The following DSCAML1 variants were observed in gnomAD, a reference collection of about 807,000 sequenced individuals.
DSCAML1 encodes the protein cell adhesion molecule DSCAML1.
In DSCAML1, 38 loss-of-function variants were observed where a neutral mutation model predicts 200.5. That is an observed-to-expected ratio of 0.19 (90% CI 0.15 to 0.25). The LOEUF is 0.25. Ranked by LOEUF, DSCAML1 falls within the 10% of genes least tolerant of loss-of-function variation. The pLI is 1.00. For synonymous variants in DSCAML1, 1,215 were observed against 1,165.0 expected, an observed-to-expected ratio of 1.04 and a Z score of -0.87; for missense variants, 2,223 against 2,858.8, an observed-to-expected ratio of 0.78 and a Z score of 5.07.
intron 3 of DSCAML1, among the ~76,000 whole-genome samples, chr11:117,624,391 G>C (rs1833083967): frequency 6.6e-6 from 1 of 152,140 alleles, no homozygotes; most frequent in South Asian, 2.1e-4. Context: ...CTATTAATCT[G>C]CAAATAGAAG....
At chr11:117,654,194 G>A (rs1365211133) in intron 3 of DSCAML1, among the ~76,000 whole-genome samples, 1 of 152,190 alleles carries the variant, frequency 6.6e-6, no homozygotes, top group Non-Finnish European at 1.5e-5. Flanking sequence ...CAGAGGTGGG[G>A]TGGGGAAATA....
In DSCAML1 at chr11:117,737,519, C is replaced by T. The variant is rs999220010; in HGVS notation, c.511+39272G>A. On this transcript the variant is annotated intron_variant, in intron 3 of 32. Coordinates refer to ENST00000651296, the MANE Select transcript of DSCAML1 (RefSeq NM_020693.4). Reference sequence around the variant, plus strand: ...GTCCAAGACCGGGACAGCAGGACAGCGGGGCAGGCTGGGGGCCTACAGAGC... The same window carrying T: ...GTCCAAGACCGGGACAGCAGGACAGTGGGGCAGGCTGGGGGCCTACAGAGC... Among the ~76,000 whole-genome samples the T allele has an allele frequency of 5.3e-5, 8 of 152,284 alleles. 1 individual carries two copies. In the South Asian group the frequency reaches 8.3e-4, roughly 16 times the overall value.
At chr11:117,517,804 T>TCAC (rs2049804239) in intron 7 of DSCAML1, among the ~76,000 whole-genome samples, 1 of 152,212 alleles carries the variant, frequency 6.6e-6, no homozygotes, top group African/African-American at 2.4e-5. Flanking sequence ...GGAGACTGTG[T>TCAC]TCTCACCACA....
intron 3 of DSCAML1, among the ~76,000 whole-genome samples, chr11:117,770,809 G>T (rs1453225930): frequency 6.6e-6 from 1 of 152,200 alleles, no homozygotes; most frequent in African/African-American, 2.4e-5. Context: ...AGCAGAAATC[G>T]AGGAAAGACA....
At chr11:117,649,580 C>T (rs2052587508) in intron 3 of DSCAML1, among the ~76,000 whole-genome samples, 3 of 152,124 alleles carry the variant, frequency 2.0e-5, no homozygotes, top group Admixed American at 6.5e-5. Flanking sequence ...CCTTCTGGGC[C>T]CCACTGTGAC....
chr11:117,482,233 C>A, intron 11 of DSCAML1, 71 bp from the exon 12 acceptor site: 1 of 1,550,524 alleles, frequency 6.4e-7, no homozygotes, highest in South Asian at 1.2e-5. Context: ...GCGTGCCCTG[C>A]GCAGAAGCCC....
intron 23 of DSCAML1, 84 bp from the exon 24 acceptor site, chr11:117,439,067 C>T: frequency 1.4e-6 from 2 of 1,399,356 alleles, no homozygotes; most frequent in Non-Finnish European, 9.7e-7. Context: ...CGGGAAGGTG[C>T]TGGCTCTCCC....
At chr11:117,563,789 A>G (rs1281362502) in intron 3 of DSCAML1, among the ~76,000 whole-genome samples, 3 of 152,226 alleles carry the variant, frequency 2.0e-5, no homozygotes, top group African/African-American at 7.2e-5. Flanking sequence ...AGCGAGGACC[A>G]TTCTGAGGGC....
chr11:117,432,099 C>CTG (rs2047812411), intron 30 of DSCAML1, among the ~76,000 whole-genome samples: 1 of 152,124 alleles, frequency 6.6e-6, no homozygotes, highest in Non-Finnish European at 1.5e-5. Flanking sequence ...TTGGAGAACA[C>CTG]GAATACCCAA....
At chr11:117,670,366 C>T (rs904870778) in intron 3 of DSCAML1, among the ~76,000 whole-genome samples, 2 of 152,080 alleles carry the variant, frequency 1.3e-5, no homozygotes, top group African/African-American at 4.8e-5. Flanking sequence ...TCCACTCATT[C>T]ATTGATTCAC....
intron 3 of DSCAML1, among the ~76,000 whole-genome samples, chr11:117,776,051 C>T (rs1203610980): frequency 6.6e-6 from 1 of 152,128 alleles, no homozygotes; most frequent in Admixed American, 6.6e-5. Context: ...TGGAAAAATC[C>T]CGCAGTTTTG....
intron 3 of DSCAML1, among the ~76,000 whole-genome samples, chr11:117,550,606 G>T (rs1044035637): frequency 1.3e-5 from 2 of 152,166 alleles, no homozygotes; most frequent in African/African-American, 4.8e-5. Flanking sequence ...TATGCTTTTT[G>T]TGCATTTATC....
chr11:117,673,050 C>T (rs775912959), intron 3 of DSCAML1, among the ~76,000 whole-genome samples: 25 of 152,232 alleles, frequency 1.6e-4, no homozygotes, highest in Non-Finnish European at 2.4e-4. Flanking sequence ...CTCATCTCCT[C>T]GGGCAATCGG....
chr11:117,557,756 A>AG (rs1381804578), intron 3 of DSCAML1, among the ~76,000 whole-genome samples: 1 of 152,086 alleles, frequency 6.6e-6, no homozygotes, highest in South Asian at 2.1e-4. Flanking sequence ...GCAAGGGAGC[A>AG]GGGATGGGGT....
chr11:117,472,922 G>A lies in DSCAML1; in HGVS notation c.2786-886C>T, dbSNP rs185716969. ...GCCTCAGCTAGGACCTTCCACACCC[G>A]GGATTCTTAACCAAATAACTGTTTT... On this transcript the variant is annotated intron_variant, in intron 14 of 32. Coordinates refer to ENST00000651296, the MANE Select transcript of DSCAML1 (RefSeq NM_020693.4). Among the ~76,000 whole-genome samples the A allele has an allele frequency of 3.3e-5, 5 of 152,196 alleles. No individual in the cohort carries two copies. The East Asian group carries it at 5.8e-4, about 18-fold the overall frequency.
chr11:117,554,377 T>C (rs193134111), intron 3 of DSCAML1, among the ~76,000 whole-genome samples: 380 of 150,796 alleles, frequency 2.5e-3, no homozygotes, highest in African/African-American at 8.1e-3. Flanking sequence ...CTATTATTTA[T>C]TATTTATTAT....
At chr11:117,573,379 T>G (rs1467359487) in intron 3 of DSCAML1, among the ~76,000 whole-genome samples, 1 of 152,198 alleles carries the variant, frequency 6.6e-6, no homozygotes, top group African/African-American at 2.4e-5. Flanking sequence ...TGGGGCCGGC[T>G]GGGCAGGGCT....
chr11:117,650,775 T>C (rs12799706), intron 3 of DSCAML1, among the ~76,000 whole-genome samples: 3,237 of 150,964 alleles, frequency 0.021, 50 homozygotes, highest in Middle Eastern at 0.062. Flanking sequence ...TCAGGGGTGG[T>C]TGAGGGCTGC....
intron 3 of DSCAML1, among the ~76,000 whole-genome samples, chr11:117,646,433 T>TC (rs1297866927): frequency 6.6e-6 from 1 of 151,914 alleles, no homozygotes; most frequent in Admixed American, 6.6e-5. Flanking sequence ...TCTGCTGGGA[T>TC]CCCCCCCAAG....
Sources: gnomAD v4.1 joint callset for allele counts (sites outside exome capture counted in the v4.1 genomes callset) on GRCh38, gnomAD v4.1.1 for gene constraint, MANE v1.5 for transcripts, NCBI Gene and HGNC (gene_info 2026-07-23, HGNC 2026-07-21) for gene names.